Variants in PLXNC1 observed in about 807,000 individuals in gnomAD.
PLXNC1 encodes the protein plexin C1, also known as plexin-C1.
In PLXNC1, 75 loss-of-function variants were observed where a neutral mutation model predicts 178.2. The observed-to-expected ratio is 0.42, with a 90% CI of 0.35 to 0.51. The LOEUF (loss-of-function observed/expected upper bound fraction) is 0.51, where lower values mean the gene tolerates loss of function less well. Among genes scored for constraint, PLXNC1 ranks in the 20% least tolerant of loss-of-function variants. The pLI is 0.02. For missense variants in PLXNC1, 1,503 were observed against 1,984.4 expected, an observed-to-expected ratio of 0.76 and a Z score of 4.61; for synonymous variants, 790 against 779.9, an observed-to-expected ratio of 1.01 and a Z score of -0.22.
intron 8 of PLXNC1, 94 bp from the exon 9 acceptor site, chr12:94,227,055 T>C: frequency 1.2e-6 from 1 of 868,220 alleles, no homozygotes; most frequent in Non-Finnish European, 1.9e-6. Flanking sequence ...AAATAAATGT[T>C]TGTGACTGCC....
intron 21 of PLXNC1, among the ~76,000 whole-genome samples, chr12:94,274,155 T>TG: frequency 2.2e-5 from 1 of 45,370 alleles, no homozygotes; most frequent in East Asian, 1.1e-3. Flanking sequence ...ACCCTGTCTC[T>TG]AAAAAAAAAA....
Position 94,209,610 on chromosome 12 carries a change from G to A in PLXNC1, c.1460G>A (p.Cys487Tyr), listed in dbSNP as rs1217710363. The A allele has an allele frequency of 6.3e-7, 1 of 1,596,216 alleles. No individual in the cohort carries two copies. The highest frequency in any genetic ancestry group is 8.6e-7 in the Non-Finnish European group (1 of 1,168,774). The change falls in exon 5 of 31, where the codon TGT (cysteine) becomes TAT (tyrosine). Residue 487 changes from cysteine (C) to tyrosine (Y), a missense_variant. By Grantham distance (194) the Cys-to-Tyr change is radical. Coordinates refer to ENST00000258526, the MANE Select transcript of PLXNC1 (RefSeq NM_005761.3). ...SLQRCTFQGD[C>Y]VHSENLENWL... ...TTTAGGTGCACTTTTCAAGGAGATT[G>A]TGTACATTCAGAGAACTTAGAAAAC...
chr12:94,284,350 T>A (rs1469316351), intron 23 of PLXNC1, among the ~76,000 whole-genome samples: 1 of 151,740 alleles, frequency 6.6e-6, no homozygotes, highest in Non-Finnish European at 1.5e-5. Context: ...CCTCCCAAAG[T>A]TAGTTCAGTC....
At chr12:94,164,801 T>C (rs1961543206) in intron 1 of PLXNC1, among the ~76,000 whole-genome samples, 3 of 152,008 alleles carry the variant, frequency 2.0e-5, no homozygotes, top group Non-Finnish European at 4.4e-5. Flanking sequence ...CAAACATCGC[T>C]TGAGCCAAGG....
At chr12:94,191,961 C>G (rs887324671) in intron 4 of PLXNC1, among the ~76,000 whole-genome samples, 1 of 152,040 alleles carries the variant, frequency 6.6e-6, no homozygotes, top group African/African-American at 2.4e-5. Context: ...TCAGTTTCTC[C>G]CATATTGCAA....
At chr12:94,196,106 A>G (rs963007839) in intron 4 of PLXNC1, among the ~76,000 whole-genome samples, 1 of 152,130 alleles carries the variant, frequency 6.6e-6, no homozygotes, top group African/African-American at 2.4e-5. Flanking sequence ...CATGGTGCAC[A>G]GTAATTTATG....
chr12:94,283,988 C>A (rs918282471), intron 23 of PLXNC1, among the ~76,000 whole-genome samples: 18 of 150,052 alleles, frequency 1.2e-4, no homozygotes, highest in Admixed American at 1.2e-3. Flanking sequence ...GAGGCTGAGG[C>A]AGGAGAATTG....
At chr12:94,279,026 A>G (rs189455283) in intron 21 of PLXNC1, among the ~76,000 whole-genome samples, 181 of 151,596 alleles carry the variant, frequency 1.2e-3, no homozygotes, top group African/African-American at 4.4e-3. Context: ...TGGCATGGTC[A>G]ATATGGGGAC....
chr12:94,272,763 G>A (rs1005974204), intron 21 of PLXNC1, among the ~76,000 whole-genome samples: 1 of 152,228 alleles, frequency 6.6e-6, no homozygotes, highest in African/African-American at 2.4e-5. Flanking sequence ...TTTATTCTGG[G>A]TGAACAGAAG....
chr12:94,268,612 T>TTTTTTA (rs148991956), intron 21 of PLXNC1, among the ~76,000 whole-genome samples: 6 of 130,704 alleles, frequency 4.6e-5, no homozygotes, highest in African/African-American at 1.8e-4. Flanking sequence ...TTTTTTTTTT[T>TTTTTTA]AATTTAAGGA....
chr12:94,223,190 G>A (rs564392636), intron 6 of PLXNC1, among the ~76,000 whole-genome samples: 1 of 152,202 alleles, frequency 6.6e-6, no homozygotes, highest in Non-Finnish European at 1.5e-5. Flanking sequence ...GAGGCGGGCA[G>A]ATCACTTGAG....
At chr12:94,177,563 G>A (rs1313467368) in intron 2 of PLXNC1, among the ~76,000 whole-genome samples, 4 of 127,764 alleles carry the variant, frequency 3.1e-5, no homozygotes, top group Non-Finnish European at 5.1e-5. Flanking sequence ...AAAAGAAAGA[G>A]AGAGAGGTAA....
In PLXNC1 at chr12:94,305,760, T is replaced by C. The variant is rs1378860669; in HGVS notation, c.*475T>C. On this transcript the variant is annotated 3_prime_UTR_variant, in exon 31 of 31. Transcript: ENST00000258526. ...AGGGCAACCTCGAGGATTTGCAGCA[T>C]TGAAACTTTCCCCAGTAGTTCTTGG... 1.3e-5 allele frequency: 2 copies of C among 153,100 alleles called. No individual in the cohort carries two copies. The highest frequency in any genetic ancestry group is 1.5e-5 in the Non-Finnish European group (1 of 68,678). The allele number at this position is 153,100 out of a possible 1,614,324, so 9.5% of individuals were successfully genotyped here. A position where few individuals can be genotyped will look rare whatever the true frequency, so the allele number is the denominator to read the frequency against.
intron 17 of PLXNC1, among the ~76,000 whole-genome samples, chr12:94,257,622 A>T (rs1260147395): frequency 6.6e-6 from 1 of 152,102 alleles, no homozygotes; most frequent in African/African-American, 2.4e-5. Flanking sequence ...AAAAATACAC[A>T]ATTAGCCAGG....
chr12:94,287,062 A>C (rs1477715019), intron 23 of PLXNC1, among the ~76,000 whole-genome samples: 1 of 152,224 alleles, frequency 6.6e-6, no homozygotes, highest in Admixed American at 6.5e-5. Context: ...AGTGCCTGGC[A>C]CTGCTCACAT....
intron 1 of PLXNC1, among the ~76,000 whole-genome samples, chr12:94,158,679 G>A (rs1184619880): frequency 1.3e-5 from 2 of 152,142 alleles, no homozygotes; most frequent in African/African-American, 4.8e-5. Context: ...GCACATATTT[G>A]TAGTCCAACT....
chr12:94,221,112 C>A (rs1438051603), intron 6 of PLXNC1, among the ~76,000 whole-genome samples: 3 of 152,208 alleles, frequency 2.0e-5, no homozygotes, highest in African/African-American at 7.2e-5. Context: ...CAGAAAGGTT[C>A]CATTGTGCAT....
chr12:94,252,212 C>T (rs1008799641), intron 15 of PLXNC1, among the ~76,000 whole-genome samples: 1 of 152,120 alleles, frequency 6.6e-6, no homozygotes, highest in African/African-American at 2.4e-5. Context: ...GACCACCCCC[C>T]ACCACCCATC....
In PLXNC1 at chr12:94,181,535, T is replaced by C. The variant is rs970317666; in HGVS notation, c.1293T>C (p.Pro431=). The C allele has an allele frequency of 1.6e-5, 25 of 1,608,736 alleles. No individual in the cohort carries two copies. The African/African-American group carries it at 2.7e-4, about 17-fold the overall frequency. Residue 431 remains proline, a synonymous_variant, in exon 3 of 31, where the codon CCT becomes CCC. Transcript: ENST00000258526. The part of the protein sequence containing the change: ...EETPVFYKLV[P]DPVKNIYIYL... ...CACCTGTTTTCTACAAACTCGTTCC[T>C]GATCCTGTGAAGAATATCTACATTT... is the stretch of plus-strand genomic sequence containing the variant.
Sources: gnomAD v4.1 joint callset for allele counts (sites outside exome capture counted in the v4.1 genomes callset) on GRCh38, gnomAD v4.1.1 for gene constraint, MANE v1.5 for transcripts, NCBI Gene and HGNC (gene_info 2026-07-23, HGNC 2026-07-21) for gene names.